Variants in DLG2 observed in about 807,000 individuals in gnomAD.
DLG2 encodes the protein disks large homolog 2.
A neutral mutation model predicts 132.5 loss-of-function variants in DLG2; 45 were observed. The ratio of observed to expected loss-of-function variants is 0.34; its 90% CI spans 0.27 to 0.44. DLG2 has a LOEUF of 0.44. Ranked by LOEUF, DLG2 falls within the 20% of genes least tolerant of loss-of-function variation. DLG2 has a pLI of 1.00. For synonymous variants in DLG2, 424 were observed against 419.6 expected (o/e 1.01, Z -0.13); for missense variants, 1,045 against 1,196.9 (o/e 0.87, Z 1.87).
intron 17 of DLG2, among the ~76,000 whole-genome samples, chr11:83,826,096 G>T (rs1308350607): frequency 6.6e-6 from 1 of 152,164 alleles, no homozygotes; most frequent in African/African-American, 2.4e-5. Context: ...CCATTGAAAG[G>T]CTTTAAAGAG....
intron 6 of DLG2, among the ~76,000 whole-genome samples, chr11:84,618,125 G>A (rs1339884574): frequency 6.6e-6 from 1 of 151,998 alleles, no homozygotes; most frequent in Non-Finnish European, 1.5e-5. Context: ...TAAAAAGTGT[G>A]TCATATTCAG....
intron 4 of DLG2, among the ~76,000 whole-genome samples, chr11:85,201,628 T>A (rs890598254): frequency 3.3e-4 from 51 of 152,254 alleles, no homozygotes; most frequent in African/African-American, 1.2e-3. Context: ...TCTAAAGAAG[T>A]ACAGGCACAA....
At chr11:84,262,491 T>C (rs1416407958) in intron 7 of DLG2, among the ~76,000 whole-genome samples, 5 of 152,250 alleles carry the variant, frequency 3.3e-5, no homozygotes, top group African/African-American at 1.2e-4. Flanking sequence ...TCATGTCTTA[T>C]ATTAAAAATG....
chr11:84,692,887 T>C (rs2058204922), intron 6 of DLG2, among the ~76,000 whole-genome samples: 1 of 151,766 alleles, frequency 6.6e-6, no homozygotes, highest in Admixed American at 6.6e-5. Flanking sequence ...CTAAACAGTT[T>C]ACAAGAATTA....
intron 16 of DLG2, among the ~76,000 whole-genome samples, chr11:83,847,003 C>A (rs1018915269): frequency 2.7e-5 from 4 of 149,154 alleles, no homozygotes; most frequent in African/African-American, 7.4e-5. Context: ...GTTTTGGTTG[C>A]CAACTTATTT....
intron 6 of DLG2, among the ~76,000 whole-genome samples, chr11:84,895,033 C>G (rs905288569): frequency 6.6e-6 from 1 of 152,120 alleles, no homozygotes; most frequent in Non-Finnish European, 1.5e-5. Flanking sequence ...CACTGTATGA[C>G]ATTGGATAAG....
chr11:84,240,555 A>G (rs2097213295), intron 8 of DLG2, among the ~76,000 whole-genome samples: 1 of 152,216 alleles, frequency 6.6e-6, no homozygotes, highest in Non-Finnish European at 1.5e-5. Flanking sequence ...CATGATTGAA[A>G]TACTATGGAA....
At chr11:84,644,598 T>C (rs9971616) in intron 6 of DLG2, among the ~76,000 whole-genome samples, 76,616 of 150,532 alleles carry the variant, frequency 0.51, 20,020 homozygotes, top group African/African-American at 0.62. Flanking sequence ...CCCAGCTGCT[T>C]GGGAGGCTGA....
At chr11:83,552,976 T>C (rs2096429043) in intron 19 of DLG2, among the ~76,000 whole-genome samples, 2 of 152,340 alleles carry the variant, frequency 1.3e-5, no homozygotes, top group South Asian at 2.1e-4. Flanking sequence ...CTTATTCTTA[T>C]GCTTAGCAGG....
chr11:84,579,930 C>T (rs1235515137), intron 6 of DLG2, among the ~76,000 whole-genome samples: 1 of 152,102 alleles, frequency 6.6e-6, no homozygotes, highest in Admixed American at 6.5e-5. Context: ...TGGGATAACT[C>T]CCAAACTTCT....
intron 9 of DLG2, among the ~76,000 whole-genome samples, chr11:84,121,808 GCCTCA>G (rs1566595932): frequency 2.0e-5 from 3 of 151,234 alleles, no homozygotes; most frequent in Admixed American, 2.0e-4. Flanking sequence ...TGATCTGCCC[GCCTCA>G]GCCTCCCAAA....
chr11:85,546,869 C>A lies in DLG2; in HGVS notation c.40+51788G>T, dbSNP rs376554127. Among the ~76,000 whole-genome samples the A allele has an allele frequency of 6.4e-5, 8 of 124,654 alleles. No individual in the cohort carries two copies. In the East Asian group the frequency reaches 1.8e-3, roughly 28 times the overall value. The allele number at this position is 124,654 out of a possible 152,430, so 81.8% of individuals were successfully genotyped here. ...TTCCATTTGCTTGGTAAATATTTCT[C>A]CATCCCTTTATTTTCAGCCTATGTG... On this transcript the variant is annotated intron_variant, in intron 3 of 27. Transcript: ENST00000376104.
At chr11:83,564,657 G>C (rs569425733) in intron 19 of DLG2, among the ~76,000 whole-genome samples, 1 of 152,270 alleles carries the variant, frequency 6.6e-6, no homozygotes, top group Non-Finnish European at 1.5e-5. Context: ...TTATATGAGT[G>C]AATGATTGTT....
chr11:83,566,712 GGTGTGTGTGTGTGTGTGTGTGTGT>G lies in DLG2; in HGVS notation c.1941-24878_1941-24855del, dbSNP rs59829516. Among the ~76,000 whole-genome samples, 1,204 of 144,044 alleles carry G rather than the reference GGTGTGTGTGTGTGTGTGTGTGTGT, an allele frequency of 8.4e-3. 22 individuals carry two copies. Among genetic ancestry groups the G allele is most frequent in the African/African-American group, 0.029 (1,136 of 39,702 alleles). 94.5% of individuals were successfully genotyped at this position (144,044 alleles called of 152,430 possible). A position where few individuals can be genotyped will look rare whatever the true frequency, so the allele number is the denominator to read the frequency against. ...GATAAAAGCTAAGGGCAGAGGGCATGGTGTGTGTGTGTGTGTGTGTGTGTGTGTGTGTGTGTGTGTGTATCCTCA... is the reference window on the plus strand; with the variant it reads ...GATAAAAGCTAAGGGCAGAGGGCATGGTGTGTGTGTGTGTGTGTATCCTCA... On this transcript the variant is annotated intron_variant, in intron 19 of 27. Coordinates refer to ENST00000376104, the MANE Select transcript of DLG2 (RefSeq NM_001142699.3).
At chr11:84,491,580 G>GTTCTAACTGGGT in intron 7 of DLG2, among the ~76,000 whole-genome samples, 1 of 152,196 alleles carries the variant, frequency 6.6e-6, no homozygotes, top group South Asian at 2.1e-4. Context: ...ATCCTTGTTT[G>GTTCTAACTGGGT]TTCTAACTGG....
intron 6 of DLG2, among the ~76,000 whole-genome samples, chr11:85,050,891 A>T (rs550805354): frequency 2.6e-4 from 39 of 152,184 alleles, no homozygotes; most frequent in Non-Finnish European, 5.1e-4. Flanking sequence ...GCTCTGCATT[A>T]GCATTATTGT....
chr11:84,346,063 T>C (rs999361552), intron 7 of DLG2, among the ~76,000 whole-genome samples: 36 of 152,356 alleles, frequency 2.4e-4, no homozygotes, highest in African/African-American at 8.4e-4. Context: ...GTATTTTATT[T>C]TTATAAATAA....
At chr11:85,061,281 T>C (rs530323340) in intron 6 of DLG2, among the ~76,000 whole-genome samples, 13 of 151,832 alleles carry the variant, frequency 8.6e-5, no homozygotes, top group Admixed American at 3.3e-4. Flanking sequence ...ATTTTTTTAA[T>C]TGAAATTTCT....
chr11:84,535,566 G>T (rs551723868), intron 6 of DLG2, among the ~76,000 whole-genome samples: 23 of 152,262 alleles, frequency 1.5e-4, no homozygotes, highest in African/African-American at 5.5e-4. Context: ...AAAAAAAAAG[G>T]TTCAGGGTTA....
Sources: gnomAD v4.1 joint callset for allele counts (sites outside exome capture counted in the v4.1 genomes callset) on GRCh38, gnomAD v4.1.1 for gene constraint, MANE v1.5 for transcripts, NCBI Gene and HGNC (gene_info 2026-07-23, HGNC 2026-07-21) for gene names.